Variants in ADD2 observed in about 807,000 individuals in gnomAD.
The protein encoded by ADD2 is adducin 2, also known as beta-adducin.
Under a neutral mutation model 83.0 loss-of-function variants are expected in ADD2, and 23 were observed. That is an observed-to-expected ratio of 0.28 (90% CI 0.20 to 0.39). ADD2 has a LOEUF of 0.39. ADD2 is among the 10% of genes least tolerant of loss of function. The probability of loss-of-function intolerance (pLI) is 1.00; values close to 1 mark genes in which losing one functional copy is unlikely to be tolerated. For synonymous variants in ADD2, 375 were observed against 375.4 expected (o/e 1.00, Z 0.01); for missense variants, 758 against 944.9 (o/e 0.80, Z 2.59).
At chr2:70,704,061 C>CT (rs1438187327) in intron 4 of ADD2, among the ~76,000 whole-genome samples, 1 of 152,140 alleles carries the variant, frequency 6.6e-6, no homozygotes, top group Non-Finnish European at 1.5e-5. Context: ...TCAGTGGTCT[C>CT]TTCCCGTCCA....
chr2:70,690,131 C>G (rs1553371274), intron 8 of ADD2, among the ~76,000 whole-genome samples: 1 of 151,562 alleles, frequency 6.6e-6, no homozygotes, highest in African/African-American at 2.4e-5. Flanking sequence ...GGGTCTAACT[C>G]TGTTGCCCAG....
chr2:70,709,325 C>CAAAAAA (rs61422231), intron 2 of ADD2, among the ~76,000 whole-genome samples: 1 of 106,444 alleles, frequency 9.4e-6, no homozygotes. Flanking sequence ...GAGTGGGAGC[C>CAAAAAA]AAAAAAAAAA....
At position 70,683,155 on chromosome 2, in the gene ADD2, C is replaced by T. The variant is rs536479226; in HGVS notation, c.1125+436G>A. On this transcript the variant is annotated intron_variant, in intron 10 of 15. Coordinates refer to ENST00000264436, the MANE Select transcript of ADD2 (RefSeq NM_001617.4). ...GCCTCAGCCTCAGCCTCCTGAGTAG[C>T]TGGGACTACAGGTATGTGCCACCAT... Among the ~76,000 whole-genome samples, 20 of 151,820 alleles carry T rather than the reference C, an allele frequency of 1.3e-4. No homozygotes were observed. In the South Asian group the frequency reaches 4.2e-3, roughly 32 times the overall value.
intron 4 of ADD2, 48 bp downstream of exon 4, chr2:70,704,271 CCA>C: frequency 3.1e-6 from 4 of 1,279,022 alleles, no homozygotes; most frequent in Non-Finnish European, 4.3e-6. Context: ...CTTCCCCACC[CCA>C]CCCTCCCCTC....
chr2:70,687,975 C>T, intron 9 of ADD2, 49 bp downstream of exon 9: 1 of 1,466,008 alleles, frequency 6.8e-7, no homozygotes, highest in South Asian at 1.1e-5. Context: ...GCCCACAGGC[C>T]CCTGTCAGAG....
Position 70,676,680 on chromosome 2 carries a change from A to G in ADD2, c.1593+116T>C, listed in dbSNP as rs1553368323. On this transcript the variant is annotated intron_variant, in intron 13 of 15. Coordinates refer to ENST00000264436, the MANE Select transcript of ADD2 (RefSeq NM_001617.4). This position sits in a 1 kb window ranked among gnomAD's most constrained non-coding sequence, Gnocchi z 4.8. ...TTTGCAGCAAGAGCACCGGCACCCA[A>G]GATCACAGGGGAAGGTGGGTATGAG... 6.6e-7 allele frequency: 1 copy of G among 1,521,970 alleles called. No individual in the cohort carries two copies. The highest frequency in any genetic ancestry group is 2.4e-5 in the East Asian group (1 of 41,072). The allele number at this position is 1,521,970 out of a possible 1,614,324, so 94.3% of individuals were successfully genotyped here.
At chr2:70,697,152 C>T (rs782781508) in intron 4 of ADD2, among the ~76,000 whole-genome samples, 1 of 152,094 alleles carries the variant, frequency 6.6e-6, no homozygotes, top group African/African-American at 2.4e-5. Context: ...GTCCCCCACA[C>T]CCTCCCAAAA....
intron 1 of ADD2, among the ~76,000 whole-genome samples, chr2:70,727,825 G>A (rs1175059792): frequency 6.6e-6 from 1 of 151,974 alleles, no homozygotes; most frequent in African/African-American, 2.4e-5. Context: ...GAACCCAGGA[G>A]GCTGAGGTTG....
Position 70,706,489 on chromosome 2 carries a change from CG to C in ADD2, c.-34-48del. The C allele has an allele frequency of 1.3e-6, 2 of 1,485,434 alleles. No homozygotes were observed. Among genetic ancestry groups the C allele is most frequent in the Non-Finnish European group, 1.8e-6 (2 of 1,106,706 alleles). The allele number at this position is 1,485,434 out of a possible 1,614,324, so 92.0% of individuals were successfully genotyped here. On this transcript the variant is annotated intron_variant, in intron 2 of 15. Coordinates refer to ENST00000264436, the MANE Select transcript of ADD2 (RefSeq NM_001617.4). This position sits in a 1 kb window ranked among gnomAD's most constrained non-coding sequence, Gnocchi z 5.0. ...ATGCGGTCAGGTTGGTGCTCCCCAT[CG>C]GGGTACACGTTTCTCAGAGCACAGG...
chr2:70,692,027 T>C (rs1170713751), intron 7 of ADD2, among the ~76,000 whole-genome samples: 1 of 152,202 alleles, frequency 6.6e-6, no homozygotes, highest in East Asian at 1.9e-4. Flanking sequence ...CCCTGAGCTA[T>C]GGGAAAACGG....
intron 1 of ADD2, chr2:70,767,180 C>T (rs1210935877): frequency 6.5e-6 from 1 of 152,824 alleles, no homozygotes; most frequent in Admixed American, 6.5e-5. Context: ...CGGGGATGGC[C>T]TCCGCCCCGG....
intron 1 of ADD2, among the ~76,000 whole-genome samples, chr2:70,715,498 C>G (rs1170003742): frequency 1.3e-5 from 2 of 152,114 alleles, no homozygotes; most frequent in Non-Finnish European, 2.9e-5. Flanking sequence ...CCTGACACCC[C>G]CTGGGTGGTT....
At chr2:70,751,247 T>C (rs1553382884) in intron 1 of ADD2, among the ~76,000 whole-genome samples, 1 of 152,200 alleles carries the variant, frequency 6.6e-6, no homozygotes, top group African/African-American at 2.4e-5. Flanking sequence ...ATATAACAGT[T>C]GACGCTTGTT....
At chr2:70,689,032 G>T (rs1553371037) in intron 8 of ADD2, among the ~76,000 whole-genome samples, 2 of 152,046 alleles carry the variant, frequency 1.3e-5, no homozygotes, top group Non-Finnish European at 1.5e-5. Flanking sequence ...TTGAACCTGG[G>T]GGCTGCAGTG....
At chr2:70,744,323 G>A (rs1201980256) in intron 1 of ADD2, among the ~76,000 whole-genome samples, 1 of 152,156 alleles carries the variant, frequency 6.6e-6, no homozygotes, top group African/African-American at 2.4e-5. Flanking sequence ...TTGTTTTCAG[G>A]AAACACACAT....
At position 70,693,816 on chromosome 2, in the gene ADD2, T is replaced by C. The variant is rs17006120; in HGVS notation, c.556-1264A>G. Among the ~76,000 whole-genome samples the C allele has an allele frequency of 9.8e-3, 1,487 of 152,276 alleles. 24 individuals are homozygous for C. The highest frequency in any genetic ancestry group is 0.032 in the African/African-American group (1,325 of 41,554). ...TGATCTTACATATTTTATATCTCAT[T>C]GTTGGATGTGTGATCTGTTGTCATT... On this transcript the variant is annotated intron_variant, in intron 6 of 15. Coordinates refer to ENST00000264436, the MANE Select transcript of ADD2 (RefSeq NM_001617.4).
At chr2:70,752,673 A>G (rs1430918935) in intron 1 of ADD2, among the ~76,000 whole-genome samples, 1 of 152,206 alleles carries the variant, frequency 6.6e-6, no homozygotes, top group African/African-American at 2.4e-5. Context: ...GCAGAGAGAA[A>G]TGGGTTTGAG....
rs114310415 is a variant in ADD2 at position 70,764,183 on chromosome 2, C to T, written c.-154+3703G>A. ...AATTACAGGCGTGAGCCACCGCGCCCGGCCCCATCTCATTTTCTTAGATGT... is the reference window on the plus strand; with the variant it reads ...AATTACAGGCGTGAGCCACCGCGCCTGGCCCCATCTCATTTTCTTAGATGT... On this transcript the variant is annotated intron_variant, in intron 1 of 15. Coordinates refer to ENST00000264436, the MANE Select transcript of ADD2 (RefSeq NM_001617.4). Among the ~76,000 whole-genome samples the T allele has an allele frequency of 6.5e-3, 992 of 151,888 alleles. 27 individuals carry two copies. Among genetic ancestry groups the T allele is most frequent in the African/African-American group, 0.023 (929 of 41,210 alleles).
chr2:70,668,320 T>C (rs1409449099), intron 15 of ADD2, among the ~76,000 whole-genome samples: 3 of 152,128 alleles, frequency 2.0e-5, no homozygotes, highest in Non-Finnish European at 4.4e-5. Context: ...GCACCACCCC[T>C]GCACAGCCCA....
Sources: allele counts gnomAD v4.1 joint callset (sites outside exome capture counted in the v4.1 genomes callset), GRCh38; gene constraint gnomAD v4.1.1; non-coding constraint Gnocchi (gnomAD v3.1); transcripts MANE v1.5; gene names NCBI Gene and HGNC (gene_info 2026-07-23, HGNC 2026-07-21).